Variants in ADAM23 observed in about 807,000 individuals in gnomAD.
ADAM23 encodes ADAM metallopeptidase domain 23, also known as disintegrin and metalloproteinase domain-containing protein 23.
Under a neutral mutation model 120.1 loss-of-function variants are expected in ADAM23, and 33 were observed. That is an observed-to-expected ratio of 0.27 (90% confidence interval 0.21 to 0.37). ADAM23 has a LOEUF of 0.37. Ranked by LOEUF, ADAM23 falls within the 10% of genes least tolerant of loss-of-function variation. ADAM23 has a pLI of 1.00. For synonymous variants in ADAM23, 367 were observed against 375.2 expected (o/e 0.98, Z 0.25); for missense variants, 862 against 1,058.2 (o/e 0.81, Z 2.57).
intron 3 of ADAM23, among the ~76,000 whole-genome samples, chr2:206,521,830 C>G (rs1696849352): frequency 6.6e-6 from 1 of 152,182 alleles, no homozygotes; most frequent in African/African-American, 2.4e-5. Flanking sequence ...GGTGAACATG[C>G]TTTCAGGGCT....
intron 3 of ADAM23, among the ~76,000 whole-genome samples, chr2:206,491,982 G>A (rs531920586): frequency 7.2e-5 from 11 of 152,296 alleles, no homozygotes; most frequent in South Asian, 2.1e-4. Flanking sequence ...GAATGATTCC[G>A]AGCACTTTTA....
chr2:206,562,290 C>A lies in ADAM23; in HGVS notation c.1342C>A (p.Pro448Thr). 1 of 1,613,282 alleles carries A rather than the reference C, an allele frequency of 6.2e-7. No homozygotes were observed. Among genetic ancestry groups the A allele is most frequent in the Non-Finnish European group, 8.5e-7 (1 of 1,179,330 alleles). Reference protein sequence around the residue: ...GIQWEPSSRKPKCDCTESWGG... With the variant: ...GIQWEPSSRKTKCDCTESWGG... ...CCAATGGGAACCTTCTAGCAGAAAG[C>A]CAAGTATGTACACTGACCTTCTTAC... Residue 448 changes from proline to threonine, a missense_variant, in exon 13 of 26, where the codon CCA becomes ACA. Pro to Thr is a conservative substitution (Grantham distance 38). Around this residue, in one of 4 missense-constraint regions of ADAM23, gnomAD observed 617 missense variants for 813.5 expected, o/e 0.76. Transcript: ENST00000264377.
At position 206,617,761 on chromosome 2, in the gene ADAM23, G is replaced by T. The variant is rs527775907; in HGVS notation, c.*134G>T. 2 of 1,489,632 alleles carry T rather than the reference G, an allele frequency of 1.3e-6. No individual in the cohort carries two copies. Among genetic ancestry groups the T allele is most frequent in the East Asian group, 5.1e-5 (2 of 38,998 alleles). The allele number at this position is 1,489,632 out of a possible 1,614,324, so 92.3% of individuals were successfully genotyped here. A position where few individuals can be genotyped will look rare whatever the true frequency, so the allele number is the denominator to read the frequency against. On this transcript the variant is annotated 3_prime_UTR_variant, in exon 26 of 26. Coordinates refer to ENST00000264377, the MANE Select transcript of ADAM23 (RefSeq NM_003812.4). ...TAATGACTACGGAGCTAAAGTTGGGGTGACAAGGATGGGGTAAAAGAAAAC... is the reference window on the plus strand; with the variant it reads ...TAATGACTACGGAGCTAAAGTTGGGTTGACAAGGATGGGGTAAAAGAAAAC...
At chr2:206,502,181 A>G (rs1175498308) in intron 3 of ADAM23, among the ~76,000 whole-genome samples, 1 of 152,170 alleles carries the variant, frequency 6.6e-6, no homozygotes, top group East Asian at 1.9e-4. Flanking sequence ...TTCTTAACAC[A>G]TCTATCTTCC....
chr2:206,610,073 A>T, intron 25 of ADAM23, 73 bp downstream of exon 25: 1 of 1,324,516 alleles, frequency 7.5e-7, no homozygotes, highest in Non-Finnish European at 1.0e-6. Context: ...CCAAGTTTTG[A>T]GTTCCTGCTA....
Position 206,525,117 on chromosome 2 carries a change from A to C in ADAM23, c.510-5768A>C, listed in dbSNP as rs140401134. Among the ~76,000 whole-genome samples, 9 of 152,152 alleles carry C rather than the reference A, an allele frequency of 5.9e-5. No homozygotes were observed. In the East Asian group the frequency reaches 1.7e-3, roughly 29 times the overall value. On this transcript the variant is annotated intron_variant, in intron 3 of 25. Transcript: ENST00000264377. ...TAATATGCCTCTTTTCATTTCCACAAATGCCCTAGTTTGGATGATAAATTA... is the reference window on the plus strand; with the variant it reads ...TAATATGCCTCTTTTCATTTCCACACATGCCCTAGTTTGGATGATAAATTA...
At chr2:206,468,464 G>A (rs1695587031) in intron 2 of ADAM23, among the ~76,000 whole-genome samples, 1 of 152,074 alleles carries the variant, frequency 6.6e-6, no homozygotes, top group South Asian at 2.1e-4. Flanking sequence ...GCACAGTCCA[G>A]CCAAAGTATA....
At chr2:206,452,407 C>G (rs1695214872) in intron 2 of ADAM23, among the ~76,000 whole-genome samples, 1 of 152,200 alleles carries the variant, frequency 6.6e-6, no homozygotes, top group Non-Finnish European at 1.5e-5. Context: ...CACGGGTTGA[C>G]TCATTCCTGC....
At chr2:206,581,821 T>C (rs1240124988) in intron 18 of ADAM23, among the ~76,000 whole-genome samples, 2 of 152,214 alleles carry the variant, frequency 1.3e-5, no homozygotes, top group East Asian at 1.9e-4. Context: ...CAGTGGAGTA[T>C]TGAAGTCCCC....
chr2:206,567,211 T>G lies in ADAM23; in HGVS notation c.1395-12T>G, dbSNP rs1170769296. On this transcript the variant is annotated splice_polypyrimidine_tract_variant and intron_variant, in intron 14 of 25. Transcript: ENST00000264377. ...GTAAATTATTTACATAGTTGATTCT[T>G]TGTTTCCTCAGGGTGTCCCATTCTC... is the stretch of plus-strand genomic sequence containing the variant. 4 of 1,589,928 alleles carry G rather than the reference T, an allele frequency of 2.5e-6. No homozygotes were observed. Among genetic ancestry groups the G allele is most frequent in the African/African-American group, 2.7e-5 (2 of 74,188 alleles).
intron 3 of ADAM23, among the ~76,000 whole-genome samples, chr2:206,491,670 A>G (rs1315620630): frequency 3.3e-5 from 5 of 152,244 alleles, no homozygotes; most frequent in East Asian, 1.9e-4. Context: ...GTGACCAAGC[A>G]TCTGAGATAA....
chr2:206,530,986 T>C (rs759172561), intron 4 of ADAM23, 38 bp downstream of exon 4: 3 of 1,571,830 alleles, frequency 1.9e-6, no homozygotes, highest in African/African-American at 2.7e-5. Flanking sequence ...CTAGTATAAG[T>C]GTGCTTATCA....
At chr2:206,473,469 C>G (rs1695703852) in intron 2 of ADAM23, among the ~76,000 whole-genome samples, 1 of 151,834 alleles carries the variant, frequency 6.6e-6, no homozygotes, top group South Asian at 2.1e-4. Context: ...GGTAGTGGCT[C>G]ACACCTGTAA....
Position 206,456,014 on chromosome 2 carries a change from C to A in ADAM23, c.432+10490C>A, listed in dbSNP as rs147420592. On this transcript the variant is annotated intron_variant, in intron 2 of 25. Coordinates refer to ENST00000264377, the MANE Select transcript of ADAM23 (RefSeq NM_003812.4). ...GTTCCAAAGGCGCTTCCACATTTTC[C>A]GGTTTCTTTATAACAATGTTCCACT... Among the ~76,000 whole-genome samples, 1,172 of 152,266 alleles carry A rather than the reference C, an allele frequency of 7.7e-3. 16 individuals are homozygous for A. Among genetic ancestry groups the A allele is most frequent in the African/African-American group, 0.027 (1,113 of 41,546 alleles).
At chr2:206,535,865 G>A (rs762292246) in intron 4 of ADAM23, among the ~76,000 whole-genome samples, 13 of 152,160 alleles carry the variant, frequency 8.5e-5, no homozygotes, top group Admixed American at 3.9e-4. Context: ...TTTCTGAGGT[G>A]ATGAGACTAT....
intron 25 of ADAM23, among the ~76,000 whole-genome samples, chr2:206,611,527 A>G (rs1698827564): frequency 6.6e-6 from 1 of 152,206 alleles, no homozygotes; most frequent in South Asian, 2.1e-4. Flanking sequence ...GAACTTTTTC[A>G]TTAGTATGCC....
At chr2:206,536,275 C>T (rs186860423) in intron 4 of ADAM23, among the ~76,000 whole-genome samples, 1 of 152,112 alleles carries the variant, frequency 6.6e-6, no homozygotes, top group Non-Finnish European at 1.5e-5. Flanking sequence ...GAAAAATATT[C>T]TGTGACCTCA....
At chr2:206,539,852 TA>T (rs1248106574) in intron 4 of ADAM23, among the ~76,000 whole-genome samples, 3 of 152,250 alleles carry the variant, frequency 2.0e-5, no homozygotes, top group Admixed American at 6.5e-5. Context: ...AATTTAGTAA[TA>T]AAAAAATCAG....
intron 3 of ADAM23, among the ~76,000 whole-genome samples, chr2:206,506,653 C>T (rs1696502610): frequency 6.6e-6 from 1 of 152,186 alleles, no homozygotes; most frequent in African/African-American, 2.4e-5. Flanking sequence ...AGAGTACCTT[C>T]ATTTGGATTT....
Sources: allele counts gnomAD v4.1 joint callset (sites outside exome capture counted in the v4.1 genomes callset), GRCh38; gene constraint gnomAD v4.1.1; regional missense constraint gnomAD v4.1.1; transcripts MANE v1.5; gene names NCBI Gene and HGNC (gene_info 2026-07-23, HGNC 2026-07-21).